WTIP: variants seen among roughly 807,000 people sequenced by gnomAD.
WTIP encodes WT1 interacting protein.
In WTIP, 23 loss-of-function variants were observed where a neutral mutation model predicts 41.7. The ratio of observed to expected loss-of-function variants is 0.55; its 90% CI spans 0.40 to 0.78. The LOEUF is 0.78. WTIP is among the 30% of genes least tolerant of loss of function. The pLI is 0.00. For missense variants in WTIP, 619 were observed against 610.5 expected, an observed-to-expected ratio of 1.01 and a Z score of -0.15; for synonymous variants, 314 against 269.9, an observed-to-expected ratio of 1.16 and a Z score of -1.60.
chr19:34,493,432 C>A lies in WTIP; in HGVS notation c.901-60C>A, dbSNP rs549752516. On this transcript the variant is annotated intron_variant, in intron 4 of 7. Transcript: ENST00000590071. This position sits in a 1 kb window ranked among gnomAD's most constrained non-coding sequence, Gnocchi z 4.1. Reference sequence around the variant, plus strand: ...TGCCAGGGGTTCAGGGCCAGAGCCTCTCCCAGGGCGGTGCTGAGCCTCCTG... The same window carrying A: ...TGCCAGGGGTTCAGGGCCAGAGCCTATCCCAGGGCGGTGCTGAGCCTCCTG... 115 of 1,602,724 alleles carry A rather than the reference C, an allele frequency of 7.2e-5. No individual in the cohort carries two copies. In the African/African-American group the frequency reaches 1.4e-3, roughly 20 times the overall value.
rs2075903462 is a variant in WTIP at position 34,504,562 on chromosome 19, A to T, written c.*4293A>T. The T allele has an allele frequency of 4.6e-5, 7 of 152,006 alleles. No individual in the cohort carries two copies. The highest frequency in any genetic ancestry group is 4.6e-4 in the Admixed American group (7 of 15,252). The allele number at this position is 152,006 out of a possible 1,614,324, so 9.4% of individuals were successfully genotyped here. A position where few individuals can be genotyped will look rare whatever the true frequency, so the allele number is the denominator to read the frequency against. Reference sequence around the variant, plus strand: ...TGTTGGGGTGGGAAGCACAGATGTCAGCTTGCTGAGCTGCAGGTACCATGA... The same window carrying T: ...TGTTGGGGTGGGAAGCACAGATGTCTGCTTGCTGAGCTGCAGGTACCATGA... On this transcript the variant is annotated 3_prime_UTR_variant, in exon 8 of 8. Coordinates refer to ENST00000590071, the MANE Select transcript of WTIP (RefSeq NM_001080436.2).
intron 1 of WTIP, among the ~76,000 whole-genome samples, chr19:34,484,167 C>T (rs566299688): frequency 5.3e-5 from 8 of 152,104 alleles, no homozygotes; most frequent in Middle Eastern, 3.4e-3. Flanking sequence ...CCTCATGATC[C>T]GCCTGCCTCA....
chr19:34,493,199 G>C lies in WTIP; in HGVS notation c.838-64G>C. ...GTGGAGACCTGAGGCCAGGAGGCAG[G>C]TGCTAGCTGGGCCGCGAGTGCCCCT... On this transcript the variant is annotated intron_variant, in intron 3 of 7. Coordinates refer to ENST00000590071, the MANE Select transcript of WTIP (RefSeq NM_001080436.2). The surrounding 1 kb of genome is among the most constrained non-coding windows in gnomAD (Gnocchi z 4.1). The C allele has an allele frequency of 6.2e-7, 1 of 1,612,758 alleles. No individual in the cohort carries two copies. The highest frequency in any genetic ancestry group is 1.1e-5 in the South Asian group (1 of 91,054).
chr19:34,494,905 G>A (rs536863302), intron 6 of WTIP, among the ~76,000 whole-genome samples: 24 of 152,380 alleles, frequency 1.6e-4, no homozygotes, highest in East Asian at 5.8e-4. Flanking sequence ...TGGAAGGGCC[G>A]TTCCCTGGGT....
In WTIP at chr19:34,493,752, C is replaced by T. The variant is rs2075838632; in HGVS notation, c.1031+130C>T. 1 of 1,317,892 alleles carries T rather than the reference C, an allele frequency of 7.6e-7. No individual in the cohort carries two copies. Among genetic ancestry groups the T allele is most frequent in the African/African-American group, 1.4e-5 (1 of 69,458 alleles). 81.6% of individuals were successfully genotyped at this position (1,317,892 alleles called of 1,614,324 possible). ...TTTGCCTTCCGCCTCCCCTTGTACA[C>T]CTGGGCTTGGGGCAGGCATGTGTCT... On this transcript the variant is annotated intron_variant, in intron 5 of 7. Transcript: ENST00000590071. This position sits in a 1 kb window ranked among gnomAD's most constrained non-coding sequence, Gnocchi z 4.1.
Position 34,493,709 on chromosome 19 carries a change from G to A in WTIP, c.1031+87G>A. On this transcript the variant is annotated intron_variant, in intron 5 of 7. Transcript: ENST00000590071. This position sits in a 1 kb window ranked among gnomAD's most constrained non-coding sequence, Gnocchi z 4.1. ...GCATTTTTTTCCTGCTGGACTGACT[G>A]CCCTTTGTTCTTGGCCTTTTGCCTT... The A allele has an allele frequency of 6.4e-7, 1 of 1,573,668 alleles. No individual in the cohort carries two copies. The highest frequency in any genetic ancestry group is 8.7e-7 in the Non-Finnish European group (1 of 1,155,944).
chr19:34,511,572 T>C lies in WTIP; in HGVS notation c.*11303T>C, dbSNP rs978434455. ...AACATGAAAATGGCAGGCCAAGGGT[T>C]CCTGCCTTTGGATGCACATGGCCAC... On this transcript the variant is annotated 3_prime_UTR_variant, in exon 8 of 8. Transcript: ENST00000590071. The C allele has an allele frequency of 1.3e-5, 2 of 152,220 alleles. No homozygotes were observed. Among genetic ancestry groups the C allele is most frequent in the African/African-American group, 4.8e-5 (2 of 41,450 alleles). The allele number at this position is 152,220 out of a possible 1,614,324, so 9.4% of individuals were successfully genotyped here.
Position 34,512,106 on chromosome 19 carries a change from C to T in WTIP, c.*11837C>T, listed in dbSNP as rs1285806175. ...TGTTTTTCTGGCTCTATTTTCTTGT[C>T]CAGAAACTCCACCACTGTGCTAAAG... On this transcript the variant is annotated 3_prime_UTR_variant, in exon 8 of 8. Coordinates refer to ENST00000590071, the MANE Select transcript of WTIP (RefSeq NM_001080436.2). 1.3e-5 allele frequency: 2 copies of T among 151,986 alleles called. No individual in the cohort carries two copies. The highest frequency in any genetic ancestry group is 1.3e-4 in the Admixed American group (2 of 15,258). The allele number at this position is 151,986 out of a possible 1,614,324, so 9.4% of individuals were successfully genotyped here.
chr19:34,498,901 A>C (rs28442575), intron 7 of WTIP, among the ~76,000 whole-genome samples: 1 of 145,558 alleles, frequency 6.9e-6, no homozygotes, highest in East Asian at 2.1e-4. Flanking sequence ...CAAAAAAAAC[A>C]AAAACAAAAA....
At chr19:34,489,284 A>G (rs11084769) in intron 1 of WTIP, among the ~76,000 whole-genome samples, 140,547 of 150,970 alleles carry the variant, frequency 0.93, 65,576 homozygotes, top group African/African-American at 0.97. Flanking sequence ...GTTCTCTGCC[A>G]CCTTCCACTC....
At position 34,505,022 on chromosome 19, in the gene WTIP, GCCCAGCTCTGGAGGCTTTGCCCCCAC is replaced by G. The variant is rs1465526915; in HGVS notation, c.*4757_*4782del. On this transcript the variant is annotated 3_prime_UTR_variant, in exon 8 of 8. Coordinates refer to ENST00000590071, the MANE Select transcript of WTIP (RefSeq NM_001080436.2). Reference sequence around the variant, plus strand: ...CAGGGCCACCTGCAGCCTCCACCCAGCCCAGCTCTGGAGGCTTTGCCCCCACCCCGCCCCCATGGTAGGCGTGTTCC... The same window carrying G: ...CAGGGCCACCTGCAGCCTCCACCCAGCCCGCCCCCATGGTAGGCGTGTTCC... 2 of 152,718 alleles carry G rather than the reference GCCCAGCTCTGGAGGCTTTGCCCCCAC, an allele frequency of 1.3e-5. No individual in the cohort carries two copies. Among genetic ancestry groups the G allele is most frequent in the African/African-American group, 4.8e-5 (2 of 41,454 alleles). The allele number at this position is 152,718 out of a possible 1,614,324, so 9.5% of individuals were successfully genotyped here. A position where few individuals can be genotyped will look rare whatever the true frequency, so the allele number is the denominator to read the frequency against.
At position 34,509,528 on chromosome 19, in the gene WTIP, T is replaced by G. The variant is rs1002451209; in HGVS notation, c.*9259T>G. 1.3e-5 allele frequency: 2 copies of G among 152,164 alleles called. No homozygotes were observed. The highest frequency in any genetic ancestry group is 2.4e-5 in the African/African-American group (1 of 41,428). 9.4% of individuals were successfully genotyped at this position (152,164 alleles called of 1,614,324 possible). On this transcript the variant is annotated 3_prime_UTR_variant, in exon 8 of 8. Coordinates refer to ENST00000590071, the MANE Select transcript of WTIP (RefSeq NM_001080436.2). ...TAAGGGAGTACAGTTCAAGATGAGA[T>G]TTGGGTGGAGACACAGAGCCAAACG...
At position 34,508,108 on chromosome 19, in the gene WTIP, C is replaced by G. The variant is rs575725786; in HGVS notation, c.*7839C>G. 1 of 151,904 alleles carries G rather than the reference C, an allele frequency of 6.6e-6. No individual in the cohort carries two copies. Among genetic ancestry groups the G allele is most frequent in the Non-Finnish European group, 1.5e-5 (1 of 68,034 alleles). The allele number at this position is 151,904 out of a possible 1,614,324, so 9.4% of individuals were successfully genotyped here. On this transcript the variant is annotated 3_prime_UTR_variant, in exon 8 of 8. Transcript: ENST00000590071. ...TTTTGTTTTGAGATGGAGTCTTGCT[C>G]TGTCGCCCAGGCTGGAGTTCAGTGG...
chr19:34,487,199 G>GA (rs1251330296), intron 1 of WTIP, among the ~76,000 whole-genome samples: 1 of 147,600 alleles, frequency 6.8e-6, no homozygotes, highest in Non-Finnish European at 1.5e-5. Flanking sequence ...CCGCCTCCCA[G>GA]ATGCAAGCGA....
rs2075919325 is a variant in WTIP at position 34,507,929 on chromosome 19, TTCCCTG to T, written c.*7664_*7669del. 1 of 152,180 alleles carries T rather than the reference TTCCCTG, an allele frequency of 6.6e-6. No individual in the cohort carries two copies. The highest frequency in any genetic ancestry group is 2.1e-4 in the South Asian group (1 of 4,820). The allele number at this position is 152,180 out of a possible 1,614,324, so 9.4% of individuals were successfully genotyped here. A position where few individuals can be genotyped will look rare whatever the true frequency, so the allele number is the denominator to read the frequency against. Reference sequence around the variant, plus strand: ...GTAGCTGGTTGAGGAGCAAATAGGTTTCCCTGTCCTGACTCCACCTTGGAGCACCTT... The same window carrying T: ...GTAGCTGGTTGAGGAGCAAATAGGTTTCCTGACTCCACCTTGGAGCACCTT... On this transcript the variant is annotated 3_prime_UTR_variant, in exon 8 of 8. Coordinates refer to ENST00000590071, the MANE Select transcript of WTIP (RefSeq NM_001080436.2).
At position 34,482,251 on chromosome 19, in the gene WTIP, C is replaced by G. The variant is rs2075771116; in HGVS notation, c.277C>G (p.Leu93Val). The G allele has an allele frequency of 1.6e-6, 2 of 1,268,578 alleles. No individual in the cohort carries two copies. The highest frequency in any genetic ancestry group is 2.0e-6 in the Non-Finnish European group (2 of 1,001,444). The allele number at this position is 1,268,578 out of a possible 1,614,324, so 78.6% of individuals were successfully genotyped here. The change falls in exon 1 of 8, where the codon CTG (leucine) becomes GTG (valine). Residue 93 changes from leucine to valine, a missense_variant. By Grantham distance (32) the Leu-to-Val change is conservative (BLOSUM62 1). This residue lies in a region of WTIP where 363 missense variants were observed against 309.0 expected (regional missense o/e 1.17). Transcript: ENST00000590071. ...GCCTGCGGGCAGCCCACGGGCCAGCCTGGCGGGGTCCGACGGCGGCGGCGG... is the reference window on the plus strand; with the variant it reads ...GCCTGCGGGCAGCCCACGGGCCAGCGTGGCGGGGTCCGACGGCGGCGGCGG... The part of the protein sequence containing the change: ...AQPAGSPRAS[L>V]AGSDGGGGGG...
rs113843278 is a variant in WTIP at position 34,497,845 on chromosome 19, G to A, written c.1152+2074G>A. 6.0e-3 allele frequency among the ~76,000 whole-genome samples: 908 copies of A among 152,280 alleles called. 11 individuals are homozygous for A. The highest frequency in any genetic ancestry group is 0.021 in the African/African-American group (858 of 41,550). The stretch of plus-strand genomic sequence containing the variant: ...CCCCTCCAGCCCTAACAGGACCTCC[G>A]CGTCCCTCCACTTGCTGGGCCGTCC... On this transcript the variant is annotated intron_variant, in intron 7 of 7. Transcript: ENST00000590071.
In WTIP at chr19:34,482,431, GCCGGCGCCTACGCTGACTTCCTCCCGC is replaced by G. The variant is rs2075772564; in HGVS notation, c.467_493del (p.Tyr156_Ala164del). 4 of 1,341,920 alleles carry G rather than the reference GCCGGCGCCTACGCTGACTTCCTCCCGC, an allele frequency of 3.0e-6. No homozygotes were observed. The highest frequency in any genetic ancestry group is 3.3e-5 in the South Asian group (2 of 60,022). 83.1% of individuals were successfully genotyped at this position (1,341,920 alleles called of 1,614,324 possible). On this transcript the variant is annotated inframe_deletion, in exon 1 of 8. Transcript: ENST00000590071. ...TTCCAGCCTCGGCTCCCGGGGCTCG[GCCGGCGCCTACGCTGACTTCCTCCCGC>G]CCGGCGCCTGCCCCGCGCCCGCTCG...
rs747062139 is a variant in WTIP, at chr19:34,494,618, G to A, written c.1064G>A (p.Arg355His). 35 of 1,613,432 alleles carry A rather than the reference G, an allele frequency of 2.2e-5. No individual in the cohort carries two copies. The highest frequency in any genetic ancestry group is 8.8e-5 in the South Asian group (8 of 90,980). The change falls in exon 6 of 8, where the codon CGT (arginine) becomes CAT (histidine). Residue 355 changes from arginine to histidine, a missense_variant. Coordinates refer to ENST00000590071, the MANE Select transcript of WTIP (RefSeq NM_001080436.2). Reference protein sequence around the residue: ...VFAPKCASCARPILPAQGCET... With the variant: ...VFAPKCASCAHPILPAQGCET... ...GCACCAAAATGCGCCTCCTGTGCCCGTCCTATCCTCCCTGCACAGGTAGGA... is the reference window on the plus strand; with the variant it reads ...GCACCAAAATGCGCCTCCTGTGCCCATCCTATCCTCCCTGCACAGGTAGGA...
Sources: gnomAD v4.1 joint callset for allele counts (sites outside exome capture counted in the v4.1 genomes callset) on GRCh38, gnomAD v4.1.1 for gene constraint, gnomAD v4.1.1 regional missense constraint, Gnocchi (gnomAD v3.1) non-coding constraint, MANE v1.5 for transcripts, NCBI Gene and HGNC (gene_info 2026-07-23, HGNC 2026-07-21) for gene names.